Variants in FBXL13 observed in about 807,000 individuals in gnomAD.
FBXL13 encodes F-box and leucine rich repeat protein 13.
Under a neutral mutation model 83.6 loss-of-function variants are expected in FBXL13, and 67 were observed. The observed-to-expected ratio is 0.80, with a 90% CI of 0.66 to 0.98. The LOEUF is 0.98. Ranked by LOEUF, FBXL13 falls within the 50% of genes least tolerant of loss-of-function variation. The pLI is 0.00. For synonymous variants in FBXL13, 272 were observed against 299.5 expected (o/e 0.91, Z 0.95); for missense variants, 822 against 866.5 (o/e 0.95, Z 0.64).
At chr7:103,067,244 T>C (rs995665108) in intron 1 of FBXL13, among the ~76,000 whole-genome samples, 2 of 152,216 alleles carry the variant, frequency 1.3e-5, no homozygotes, top group Non-Finnish European at 1.5e-5. Flanking sequence ...AAGCACGGAC[T>C]GCTGGATATT....
chr7:102,973,677 C>T (rs942233310), intron 6 of FBXL13: 1 of 766,324 alleles, frequency 1.3e-6, no homozygotes, highest in African/African-American at 1.7e-5. Flanking sequence ...ACCCCTCCGC[C>T]CCAGAAAGCA....
At chr7:102,989,103 C>T (rs1014259581) in intron 6 of FBXL13, among the ~76,000 whole-genome samples, 1 of 152,110 alleles carries the variant, frequency 6.6e-6, no homozygotes, top group African/African-American at 2.4e-5. Flanking sequence ...ACAGGGAGGG[C>T]TGAGACTAGA....
At chr7:102,838,043 A>C (rs1267033466) in intron 17 of FBXL13, among the ~76,000 whole-genome samples, 5 of 152,222 alleles carry the variant, frequency 3.3e-5, no homozygotes, top group Middle Eastern at 3.2e-3. Context: ...ATGAGCTTCC[A>C]TATATGGCCC....
At position 102,996,749 on chromosome 7, in the gene FBXL13, G is replaced by A. The variant is rs1789834980; in HGVS notation, c.495+28314C>T. 3.9e-5 allele frequency among the ~76,000 whole-genome samples: 6 copies of A among 152,120 alleles called. No homozygotes were observed. In the South Asian group the frequency reaches 1.2e-3, roughly 32 times the overall value. On this transcript the variant is annotated intron_variant, in intron 6 of 19. Transcript: ENST00000313221. ...TGTGCTTTTTCCCCTCTCTGGCCTG[G>A]TAAAAGAACATGAGGCTGGAGGTGG...
chr7:103,068,993 C>T (rs375168865), intron 1 of FBXL13, among the ~76,000 whole-genome samples: 11 of 152,252 alleles, frequency 7.2e-5, no homozygotes, highest in East Asian at 3.9e-4. Flanking sequence ...TCTGCCCAGC[C>T]GCCCCACCAT....
chr7:102,978,163 T>G (rs1046523143), intron 6 of FBXL13, among the ~76,000 whole-genome samples: 2 of 152,194 alleles, frequency 1.3e-5, no homozygotes, highest in Non-Finnish European at 2.9e-5. Context: ...ATGCTCCTGC[T>G]ACAATGACAA....
chr7:103,017,697 T>G (rs1563224475), intron 6 of FBXL13, among the ~76,000 whole-genome samples: 1 of 152,136 alleles, frequency 6.6e-6, no homozygotes. Context: ...CAGTAGCTGA[T>G]TCCATCAAGT....
At chr7:103,020,795 C>T (rs187176946) in intron 6 of FBXL13, among the ~76,000 whole-genome samples, 1 of 152,144 alleles carries the variant, frequency 6.6e-6, no homozygotes, top group East Asian at 1.9e-4. Flanking sequence ...AGGACCTCTT[C>T]GAGGAGAACT....
chr7:102,859,574 G>A (rs1231441021), intron 16 of FBXL13, among the ~76,000 whole-genome samples: 2 of 152,048 alleles, frequency 1.3e-5, no homozygotes, highest in Non-Finnish European at 2.9e-5. Context: ...TTTAGCCCTG[G>A]GAGGGACAGG....
Position 102,987,727 on chromosome 7 carries a change from A to G in FBXL13, c.496-19610T>C, listed in dbSNP as rs371393020. Among the ~76,000 whole-genome samples the G allele has an allele frequency of 2.6e-5, 4 of 152,196 alleles. No individual in the cohort carries two copies. In the East Asian group the frequency reaches 5.8e-4, roughly 22 times the overall value. On this transcript the variant is annotated intron_variant, in intron 6 of 19. Transcript: ENST00000313221. The stretch of plus-strand genomic sequence containing the variant: ...ATGGGACGTGGAGAATTTTTTTTAA[A>G]AGGAGAAGTCCAGGATGATTCCCAC...
chr7:102,987,621 C>T (rs1050472999), intron 6 of FBXL13, among the ~76,000 whole-genome samples: 6 of 152,104 alleles, frequency 3.9e-5, no homozygotes, highest in African/African-American at 1.4e-4. Flanking sequence ...TATGGCAAAA[C>T]TTGAAATAAT....
chr7:102,877,444 T>G (rs753138856), intron 16 of FBXL13, 23 bp downstream of exon 17: 8 of 1,540,974 alleles, frequency 5.2e-6, no homozygotes, highest in South Asian at 3.8e-5. Context: ...TAAAAGTCAT[T>G]GTACTGTTTT....
chr7:102,845,622 A>G (rs1018586667), intron 17 of FBXL13, among the ~76,000 whole-genome samples: 7 of 152,050 alleles, frequency 4.6e-5, no homozygotes, highest in Non-Finnish European at 8.8e-5. Flanking sequence ...ACTATCAACA[A>G]TTTCATGGAT....
chr7:103,014,845 C>A (rs982475440), intron 6 of FBXL13, among the ~76,000 whole-genome samples: 11 of 150,192 alleles, frequency 7.3e-5, no homozygotes, highest in African/African-American at 2.7e-4. Flanking sequence ...ATGGCATGAA[C>A]CCCGGGGGGC....
At chr7:103,027,394 C>G in intron 5 of FBXL13, 55 bp downstream of exon 6, 1 of 1,215,970 alleles carries the variant, frequency 8.2e-7, no homozygotes, top group Non-Finnish European at 1.2e-6. Flanking sequence ...TTTGAGGCAA[C>G]ATGAATATAA....
chr7:103,068,478 A>G (rs1798605367), intron 1 of FBXL13, among the ~76,000 whole-genome samples: 1 of 152,150 alleles, frequency 6.6e-6, no homozygotes, highest in Admixed American at 6.5e-5. Flanking sequence ...TGGTCCAATG[A>G]CCCTGCTACA....
At chr7:102,920,756 A>C (rs999386892) in intron 10 of FBXL13, among the ~76,000 whole-genome samples, 1 of 152,246 alleles carries the variant, frequency 6.6e-6, no homozygotes, top group Non-Finnish European at 1.5e-5. Flanking sequence ...TATAAAAGAT[A>C]AACCTAAAAT....
Position 102,931,874 on chromosome 7 carries a change from T to A in FBXL13, c.777+7A>T. Reference sequence around the variant, plus strand: ...AAACAGCAGTAAAAATGGTTGCTTATACTCACTGTGAATGTTGGGCAGTCA... The same window carrying A: ...AAACAGCAGTAAAAATGGTTGCTTAAACTCACTGTGAATGTTGGGCAGTCA... On this transcript the variant is annotated splice_region_variant and intron_variant, in intron 9 of 19. Coordinates refer to ENST00000313221, the Ensembl canonical transcript of FBXL13. 6.2e-7 allele frequency: 1 copy of A among 1,613,328 alleles called. No homozygotes were observed. The highest frequency in any genetic ancestry group is 8.5e-7 in the Non-Finnish European group (1 of 1,179,574).
intron 16 of FBXL13, among the ~76,000 whole-genome samples, chr7:102,871,840 A>G (rs1808576575): frequency 6.6e-6 from 1 of 152,010 alleles, no homozygotes; most frequent in African/African-American, 2.4e-5. Flanking sequence ...TGTCCTTTCC[A>G]TGCTTGTTCT....
Sources: allele counts gnomAD v4.1 joint callset (sites outside exome capture counted in the v4.1 genomes callset), GRCh38; gene constraint gnomAD v4.1.1; transcripts MANE v1.5; gene names NCBI Gene and HGNC (gene_info 2026-07-23, HGNC 2026-07-21).